The following CHN2 variants were observed in gnomAD, a reference collection of about 807,000 sequenced individuals.
CHN2 encodes the protein chimerin 2.
A neutral mutation model predicts 56.3 loss-of-function variants in CHN2; 35 were observed. The observed-to-expected ratio is 0.62, with a 90% CI of 0.47 to 0.82. The LOEUF is 0.82. Ranked by LOEUF, CHN2 falls within the 40% of genes least tolerant of loss-of-function variation. The pLI is 0.00. For synonymous variants in CHN2, 210 were observed against 212.8 expected (o/e 0.99, Z 0.12); for missense variants, 491 against 580.5 (o/e 0.85, Z 1.58).
intron 1 of CHN2, among the ~76,000 whole-genome samples, chr7:29,226,213 A>T (rs1168720078): frequency 6.6e-6 from 1 of 152,348 alleles, no homozygotes; most frequent in East Asian, 1.9e-4. Flanking sequence ...TTAACATTTT[A>T]AAATGATCTT....
intron 2 of CHN2, among the ~76,000 whole-genome samples, chr7:29,355,757 C>G (rs1290936490): frequency 6.7e-6 from 1 of 148,854 alleles, no homozygotes; most frequent in Non-Finnish European, 1.5e-5. Flanking sequence ...TACCACAACT[C>G]TCACAGATGG....
intron 2 of CHN2, among the ~76,000 whole-genome samples, chr7:29,166,975 T>C (rs561800697): frequency 4.6e-5 from 7 of 152,322 alleles, no homozygotes; most frequent in South Asian, 2.1e-4. Flanking sequence ...ATATAAGATA[T>C]ATTTCTATGC....
At chr7:29,433,945 G>A (rs1405330828) in intron 6 of CHN2, among the ~76,000 whole-genome samples, 2 of 151,740 alleles carry the variant, frequency 1.3e-5, no homozygotes, top group Non-Finnish European at 2.9e-5. Context: ...AAGGAAGGAA[G>A]GAATCTATCT....
At chr7:29,234,438 T>A (rs1209718855) in intron 1 of CHN2, among the ~76,000 whole-genome samples, 1 of 152,204 alleles carries the variant, frequency 6.6e-6, no homozygotes. Flanking sequence ...TAAAATTTAA[T>A]GGGGCCCATA....
intron 3 of CHN2, among the ~76,000 whole-genome samples, chr7:29,385,478 G>A (rs1465546532): frequency 1.3e-5 from 2 of 152,102 alleles, no homozygotes; most frequent in Non-Finnish European, 2.9e-5. Flanking sequence ...ACCCTCCCCC[G>A]AGTCCTGACA....
intron 1 of CHN2, among the ~76,000 whole-genome samples, chr7:29,315,825 G>A (rs1383104652): frequency 1.3e-5 from 2 of 152,130 alleles, no homozygotes; most frequent in Non-Finnish European, 2.9e-5. Context: ...TTTAAATCGT[G>A]AAAATGCTAA....
intron 1 of CHN2, among the ~76,000 whole-genome samples, chr7:29,347,142 A>G (rs1380339348): frequency 6.6e-6 from 1 of 152,206 alleles, no homozygotes; most frequent in Admixed American, 6.5e-5. Context: ...ATAACAGCCC[A>G]GTGTTGGTGA....
intron 3 of CHN2, among the ~76,000 whole-genome samples, chr7:29,388,986 C>T (rs1194101381): frequency 1.3e-5 from 2 of 152,200 alleles, no homozygotes; most frequent in African/African-American, 4.8e-5. Context: ...GGCCTGGTCC[C>T]TTCCCTTCAG....
chr7:29,171,551 CAG>C (rs958893166), intron 2 of CHN2, among the ~76,000 whole-genome samples: 12 of 152,250 alleles, frequency 7.9e-5, no homozygotes, highest in African/African-American at 2.4e-4. Context: ...TTTCTTTGTA[CAG>C]AGTTTAAGGT....
chr7:29,263,819 G>A (rs563150730), intron 1 of CHN2, among the ~76,000 whole-genome samples: 10 of 141,356 alleles, frequency 7.1e-5, no homozygotes, highest in East Asian at 6.9e-4. Context: ...GGTGAGGGGC[G>A]TCTCTGACCG....
At chr7:29,422,370 A>G (rs1804435616) in intron 6 of CHN2, among the ~76,000 whole-genome samples, 2 of 152,162 alleles carry the variant, frequency 1.3e-5, no homozygotes, top group Admixed American at 6.5e-5. Flanking sequence ...CCACTGGTAT[A>G]CTACTAGTTT....
intron 3 of CHN2, among the ~76,000 whole-genome samples, chr7:29,369,598 A>AAG (rs576070210): frequency 3.9e-5 from 6 of 152,202 alleles, no homozygotes; most frequent in Non-Finnish European, 7.3e-5. Flanking sequence ...GAGACAGAAA[A>AAG]AGAGAGAGAT....
chr7:29,230,396 A>G (rs1786579359), intron 1 of CHN2, among the ~76,000 whole-genome samples: 1 of 152,140 alleles, frequency 6.6e-6, no homozygotes, highest in Non-Finnish European at 1.5e-5. Context: ...GCTGGAGTGC[A>G]GTGGCGTGAT....
chr7:29,485,190 T>C (rs1326183501), intron 7 of CHN2, among the ~76,000 whole-genome samples: 3 of 152,244 alleles, frequency 2.0e-5, no homozygotes, highest in African/African-American at 7.2e-5. Flanking sequence ...TGTTATACTT[T>C]ATAATCAAAT....
intron 2 of CHN2, among the ~76,000 whole-genome samples, chr7:29,359,879 AG>A (rs1220596797): frequency 1.3e-5 from 2 of 152,236 alleles, no homozygotes; most frequent in Admixed American, 6.5e-5. Context: ...AGTGCCAATT[AG>A]GCAGCAGATG....
intron 1 of CHN2, among the ~76,000 whole-genome samples, chr7:29,284,358 G>A (rs1257682490): frequency 6.6e-6 from 1 of 152,096 alleles, no homozygotes; most frequent in Non-Finnish European, 1.5e-5. Flanking sequence ...ACCTCCCAAA[G>A]TGCTGGGATT....
chr7:29,306,633 C>T (rs943450747), intron 1 of CHN2, among the ~76,000 whole-genome samples: 1 of 152,172 alleles, frequency 6.6e-6, no homozygotes, highest in African/African-American at 2.4e-5. Context: ...CACATTCATC[C>T]CCAGGAACAA....
intron 1 of CHN2, among the ~76,000 whole-genome samples, chr7:29,282,017 G>T (rs1791761655): frequency 6.6e-6 from 1 of 152,186 alleles, no homozygotes; most frequent in Non-Finnish European, 1.5e-5. Flanking sequence ...TGTTGACTCG[G>T]CAGTGGCGTG....
chr7:29,172,454 C>A (rs1045195517), intron 2 of CHN2, among the ~76,000 whole-genome samples: 1 of 152,084 alleles, frequency 6.6e-6, no homozygotes, highest in Non-Finnish European at 1.5e-5. Context: ...ATATTGCCAC[C>A]CATTTATCAT....
Sources: allele counts gnomAD v4.1 joint callset (sites outside exome capture counted in the v4.1 genomes callset), GRCh38; gene constraint gnomAD v4.1.1; transcripts MANE v1.5; gene names NCBI Gene and HGNC (gene_info 2026-07-23, HGNC 2026-07-21).